CLASP2: variants seen among roughly 807,000 people sequenced by gnomAD.
CLASP2 encodes the protein cytoplasmic linker associated protein 2.
A neutral mutation model predicts 194.4 loss-of-function variants in CLASP2; 47 were observed. The ratio of observed to expected loss-of-function variants is 0.24; its 90% CI spans 0.19 to 0.31. CLASP2 has a LOEUF of 0.31. CLASP2 is among the 10% of genes least tolerant of loss of function. CLASP2 has a pLI of 1.00. For missense variants in CLASP2, 1,445 were observed against 1,823.6 expected (o/e 0.79, Z 3.78); for synonymous variants, 619 against 633.5 (o/e 0.98, Z 0.34).
At chr3:33,598,273 C>G (rs1212325458) in intron 18 of CLASP2, among the ~76,000 whole-genome samples, 1 of 152,118 alleles carries the variant, frequency 6.6e-6, no homozygotes, top group Non-Finnish European at 1.5e-5. Flanking sequence ...TTCAAGTCAC[C>G]TGTTAGCACA....
At chr3:33,677,760 GAAAA>G (rs550751096) in intron 6 of CLASP2, among the ~76,000 whole-genome samples, 17 of 141,186 alleles carry the variant, frequency 1.2e-4, no homozygotes, top group African/African-American at 4.1e-4. Context: ...CTTGCTGCCT[GAAAA>G]AAAAAAATTA....
chr3:33,661,360 G>A (rs1482267991), intron 7 of CLASP2, among the ~76,000 whole-genome samples: 1 of 152,176 alleles, frequency 6.6e-6, no homozygotes, highest in Non-Finnish European at 1.5e-5. Flanking sequence ...TATGATTTCT[G>A]AGTAGCAAAT....
At position 33,584,748 on chromosome 3, in the gene CLASP2, A is replaced by C. The variant is rs754232380; in HGVS notation, c.2239+2T>G. ...CACATAAAAAAAAAAAAAAAATCTT[A>C]CCCACTGAAAGCCTAGATGGACTAG... On this transcript the variant is annotated splice_donor_variant, in intron 22 of 38. Transcript: ENST00000682230. LOFTEE classifies it high-confidence loss of function. 6.4e-7 allele frequency: 1 copy of C among 1,550,980 alleles called. No individual in the cohort carries two copies. The highest frequency in any genetic ancestry group is 1.2e-5 in the South Asian group (1 of 81,960).
At chr3:33,582,592 G>A (rs1455298416) in intron 22 of CLASP2, among the ~76,000 whole-genome samples, 1 of 152,146 alleles carries the variant, frequency 6.6e-6, no homozygotes. Flanking sequence ...CCAGGAGGTC[G>A]AGGCCGCAGT....
chr3:33,685,675 T>C (rs777941127), intron 5 of CLASP2, among the ~76,000 whole-genome samples: 10 of 152,126 alleles, frequency 6.6e-5, no homozygotes, highest in Non-Finnish European at 1.3e-4. Flanking sequence ...GGACGTACCT[T>C]GAAGACATTA....
intron 30 of CLASP2, among the ~76,000 whole-genome samples, chr3:33,549,975 A>C (rs954316059): frequency 1.3e-4 from 20 of 152,186 alleles, no homozygotes; most frequent in Admixed American, 1.1e-3. Flanking sequence ...GAGCTCAGAC[A>C]ATCTGCCTGC....
At position 33,687,097 on chromosome 3, in the gene CLASP2, G is replaced by C; in HGVS notation, c.509C>G (p.Pro170Arg). 2.5e-6 allele frequency: 4 copies of C among 1,599,696 alleles called. No homozygotes were observed. In the South Asian group the frequency reaches 4.5e-5, roughly 18 times the overall value. ...GTCTCCAAACAGGATACACAAATGT[G>C]GTATCAATTTGCTGATGACTAGTGG... ...AQPLVISKLI[P>R]HLCILFGDSN... The change falls in exon 5 of 39, where the codon CCA (proline) becomes CGA (arginine). Residue 170 changes from proline to arginine, a missense_variant. Around this residue, in one of 4 missense-constraint regions of CLASP2, gnomAD observed 332 missense variants for 325.3 expected, o/e 1.02. Coordinates refer to ENST00000682230, the MANE Select transcript of CLASP2 (RefSeq NM_001365631.1).
In CLASP2 at chr3:33,619,508, A is replaced by G. The variant is rs9855028; in HGVS notation, c.1317+95T>C. On this transcript the variant is annotated intron_variant, in intron 12 of 38. Transcript: ENST00000682230. ...AACTCCATGACTTACATTGAGAGAG[A>G]GGGGTGGGGTGGGGAAAGGAGAGAA... 11,398 of 1,014,530 alleles carry G rather than the reference A, an allele frequency of 0.011. 882 individuals are homozygous for G. In the African/African-American group the frequency reaches 0.19, roughly 17 times the overall value. 62.8% of individuals were successfully genotyped at this position (1,014,530 alleles called of 1,614,324 possible).
At chr3:33,665,486 C>T (rs765115816) in intron 6 of CLASP2, among the ~76,000 whole-genome samples, 91 of 152,258 alleles carry the variant, frequency 6.0e-4, no homozygotes, top group Non-Finnish European at 1.1e-3. Flanking sequence ...TGCCTCGCAG[C>T]ATTAACCTTG....
chr3:33,608,362 C>T (rs1205894019), intron 14 of CLASP2, among the ~76,000 whole-genome samples: 2 of 152,144 alleles, frequency 1.3e-5, no homozygotes, highest in Non-Finnish European at 2.9e-5. Context: ...GAAACCCTTA[C>T]CCATCCCACA....
At position 33,544,128 on chromosome 3, in the gene CLASP2, GTAAGT is replaced by G. The variant is rs529685408; in HGVS notation, c.3297+565_3297+569del. ...CAGTTCAATTCTTTAGGCATATAAT[GTAAGT>G]TATTTCATACCAGTAAAAAATATAT... On this transcript the variant is annotated intron_variant, in intron 31 of 38. Coordinates refer to ENST00000682230, the MANE Select transcript of CLASP2 (RefSeq NM_001365631.1). Among the ~76,000 whole-genome samples the G allele has an allele frequency of 7.2e-5, 11 of 152,134 alleles. No homozygotes were observed. In the East Asian group the frequency reaches 2.1e-3, roughly 29 times the overall value.
chr3:33,640,776 T>C (rs888261363), intron 8 of CLASP2, among the ~76,000 whole-genome samples: 8 of 152,048 alleles, frequency 5.3e-5, no homozygotes, highest in Non-Finnish European at 1.2e-4. Context: ...AAAATAAACT[T>C]GAAGAAGGCA....
At chr3:33,524,176 G>T (rs1485062501) in intron 34 of CLASP2, among the ~76,000 whole-genome samples, 3 of 151,924 alleles carry the variant, frequency 2.0e-5, no homozygotes, top group African/African-American at 7.3e-5. Flanking sequence ...AGGACAGAAA[G>T]ATATTCTATC....
At chr3:33,540,232 ATTTTTTTT>A (rs11398038) in intron 32 of CLASP2, among the ~76,000 whole-genome samples, 1 of 122,106 alleles carries the variant, frequency 8.2e-6, no homozygotes, top group African/African-American at 3.2e-5. Flanking sequence ...GACTGGCCAA[ATTTTTTTT>A]TTTTTTTTTT....
intron 21 of CLASP2, among the ~76,000 whole-genome samples, chr3:33,587,761 T>C (rs2067741958): frequency 6.6e-6 from 1 of 152,218 alleles, no homozygotes; most frequent in African/African-American, 2.4e-5. Context: ...CCATGCAGTG[T>C]CTAAACTGAA....
Position 33,717,797 on chromosome 3 carries a change from C to G in CLASP2, c.195+11G>C, listed in dbSNP as rs1471410243. 3 of 1,551,470 alleles carry G rather than the reference C, an allele frequency of 1.9e-6. No homozygotes were observed. In the East Asian group the frequency reaches 7.3e-5, roughly 38 times the overall value. The stretch of plus-strand genomic sequence containing the variant: ...GGGCGTGACCAGCCCAGCCTCGCCG[C>G]CGTCGCTTACCCGGTAGTTGCTCGA... On this transcript the variant is annotated intron_variant, in intron 1 of 38. Coordinates refer to ENST00000682230, the MANE Select transcript of CLASP2 (RefSeq NM_001365631.1).
At chr3:33,556,875 T>C (rs1341421925) in intron 29 of CLASP2, among the ~76,000 whole-genome samples, 2 of 152,222 alleles carry the variant, frequency 1.3e-5, no homozygotes, top group Non-Finnish European at 2.9e-5. Flanking sequence ...GGAAAGTTAA[T>C]TTTAATTTGT....
At chr3:33,561,092 G>A (rs2061725010) in intron 27 of CLASP2, 121 bp from the exon 28 acceptor site, 1 of 798,294 alleles carries the variant, frequency 1.3e-6, no homozygotes, top group Non-Finnish European at 2.0e-6. Flanking sequence ...TGGCAGCCAA[G>A]CGGAAAAACA....
chr3:33,576,421 C>T, intron 23 of CLASP2, 146 bp from the exon 24 acceptor site: 1 of 575,772 alleles, frequency 1.7e-6, no homozygotes, highest in Non-Finnish European at 3.1e-6. Flanking sequence ...TTTCTGGGCA[C>T]ATTTAGTTTT....
Sources: gnomAD v4.1 joint callset for allele counts (sites outside exome capture counted in the v4.1 genomes callset) on GRCh38, gnomAD v4.1.1 for gene constraint, gnomAD v4.1.1 regional missense constraint, MANE v1.5 for transcripts, NCBI Gene and HGNC (gene_info 2026-07-23, HGNC 2026-07-21) for gene names.